The following SLC66A3 variants were observed in gnomAD, a reference collection of about 807,000 sequenced individuals.
SLC66A3 encodes the protein PQ loop repeat containing 3.
SLC66A3 carries 23 observed loss-of-function variants against 25.5 expected under a neutral mutation model. The observed-to-expected ratio is 0.90, with a 90% confidence interval of 0.65 to 1.28. The LOEUF is 1.28. Among genes scored for constraint, SLC66A3 ranks in the 50% most tolerant of loss-of-function variants. The pLI is 0.00. For synonymous variants in SLC66A3, 108 were observed against 112.6 expected, an observed-to-expected ratio of 0.96 and a Z score of 0.26; for missense variants, 246 against 262.1, an observed-to-expected ratio of 0.94 and a Z score of 0.42.
At position 11,160,660 on chromosome 2, in the gene SLC66A3, G is replaced by A. The variant is rs747334364; in HGVS notation, c.262G>A (p.Gly88Arg). The change falls in exon 3 of 7, where the codon GGG becomes AGG. Residue 88 changes from glycine (G) to arginine (R), a missense_variant. This residue lies in a region of SLC66A3 where 142 missense variants were observed against 130.3 expected (regional missense o/e 1.09). Coordinates refer to ENST00000295083, the MANE Select transcript of SLC66A3 (RefSeq NM_152391.5). ...ILLLCIFHFN[G>R]NVKQATPYIA... is the part of the protein sequence containing the mutation. Reference sequence around the variant, plus strand: ...CCTGCTCTGTATCTTTCATTTTAACGGGAACGTGAAGCAGGCCACTCCTTA... The same window carrying A: ...CCTGCTCTGTATCTTTCATTTTAACAGGAACGTGAAGCAGGCCACTCCTTA... The A allele has an allele frequency of 6.8e-6, 11 of 1,613,956 alleles. No homozygotes were observed. Among genetic ancestry groups the A allele is most frequent in the South Asian group, 2.2e-5 (2 of 91,088 alleles).
chr2:11,176,779 C>T (rs12986794), intron 6 of SLC66A3, among the ~76,000 whole-genome samples: 10,839 of 151,282 alleles, frequency 0.072, 518 homozygotes, highest in Non-Finnish European at 0.1. Flanking sequence ...CCGCCCGCCT[C>T]GGCCTCCCAA....
At position 11,178,672 on chromosome 2, in the gene SLC66A3, A is replaced by G. The variant is rs1662857233; in HGVS notation, c.*844A>G. ...TCCAGTTCTTAGGGACTTTTTTCACATTATAGCATTTTTACCCTAAACATG... is the reference window on the plus strand; with the variant it reads ...TCCAGTTCTTAGGGACTTTTTTCACGTTATAGCATTTTTACCCTAAACATG... On this transcript the variant is annotated 3_prime_UTR_variant, in exon 7 of 7. Transcript: ENST00000295083. 1 of 152,320 alleles carries G rather than the reference A, an allele frequency of 6.6e-6. No homozygotes were observed. The highest frequency in any genetic ancestry group is 1.5e-5 in the Non-Finnish European group (1 of 68,018). The allele number at this position is 152,320 out of a possible 1,614,324, so 9.4% of individuals were successfully genotyped here.
chr2:11,168,094 C>T (rs1018145880), intron 4 of SLC66A3, among the ~76,000 whole-genome samples: 1 of 152,108 alleles, frequency 6.6e-6, no homozygotes, highest in Non-Finnish European at 1.5e-5. Flanking sequence ...TCCTGGCTAA[C>T]ACGGTGAAAC....
At chr2:11,168,648 C>A (rs1662438580) in intron 4 of SLC66A3, among the ~76,000 whole-genome samples, 2 of 152,216 alleles carry the variant, frequency 1.3e-5, no homozygotes, top group East Asian at 3.9e-4. Context: ...TGCGAGCCCT[C>A]CCCTGCAGTC....
At chr2:11,177,589 A>G in intron 6 of SLC66A3, 148 bp from the exon 7 acceptor site, 1 of 567,392 alleles carries the variant, frequency 1.8e-6, no homozygotes, top group South Asian at 2.4e-5. Flanking sequence ...CATGATAGGG[A>G]GATCATTTCC....
chr2:11,176,931 GTA>G (rs1331987381), intron 6 of SLC66A3, among the ~76,000 whole-genome samples: 2 of 152,130 alleles, frequency 1.3e-5, no homozygotes, highest in Non-Finnish European at 2.9e-5. Flanking sequence ...GAGTGTATCC[GTA>G]CCTTAAAGTA....
At chr2:11,168,826 A>C (rs1477068666) in intron 4 of SLC66A3, among the ~76,000 whole-genome samples, 1 of 151,898 alleles carries the variant, frequency 6.6e-6, no homozygotes, top group Non-Finnish European at 1.5e-5. Flanking sequence ...CCTCTGCCCA[A>C]GAGCACTCCC....
chr2:11,164,195 C>T lies in SLC66A3; in HGVS notation c.297-9C>T. ...TGACCCACTGCTGTGTCCCTTAGCA[C>T]TTGGTAAGATTGGTGTCTTCTTGGT... On this transcript the variant is annotated splice_polypyrimidine_tract_variant and intron_variant, in intron 3 of 6. Transcript: ENST00000295083. The T allele has an allele frequency of 6.4e-7, 1 of 1,570,628 alleles. No homozygotes were observed. The highest frequency in any genetic ancestry group is 1.7e-4 in the Middle Eastern group (1 of 5,988).
At chr2:11,159,384 A>AGCT (rs1662031540) in intron 1 of SLC66A3, among the ~76,000 whole-genome samples, 1 of 152,140 alleles carries the variant, frequency 6.6e-6, no homozygotes, top group Non-Finnish European at 1.5e-5. Context: ...TCAGCTGCAC[A>AGCT]GCACCCGGAG....
chr2:11,177,778 G>GT lies in SLC66A3; in HGVS notation c.560dup (p.Thr188AsnfsTer15). 6.2e-7 allele frequency: 1 copy of GT among 1,611,562 alleles called. No individual in the cohort carries two copies. The highest frequency in any genetic ancestry group is 8.5e-7 in the Non-Finnish European group (1 of 1,178,604). ...GATCATGCTGGCTTTAAATATATGG[G>GT]TAACAGTGACAGTACTTCGCTACCG... On this transcript the variant is annotated frameshift_variant, in exon 7 of 7. Transcript: ENST00000295083. LOFTEE classifies it high-confidence loss of function.
At position 11,155,506 on chromosome 2, in the gene SLC66A3, C is replaced by T. The variant is rs548620891; in HGVS notation, c.-41C>T. 158 of 1,472,096 alleles carry T rather than the reference C, an allele frequency of 1.1e-4. No individual in the cohort carries two copies. The African/African-American group carries it at 1.5e-3, about 14-fold the overall frequency. The allele number at this position is 1,472,096 out of a possible 1,614,324, so 91.2% of individuals were successfully genotyped here. ...CTGCGCCGCCGAGGCTGAGCGGTCC[C>T]TTCTCGCTGCGGCCGCCCAGGTGCC... On this transcript the variant is annotated 5_prime_UTR_variant, in exon 1 of 7. Coordinates refer to ENST00000295083, the MANE Select transcript of SLC66A3 (RefSeq NM_152391.5).
chr2:11,170,978 T>C (rs1280718923), intron 4 of SLC66A3, among the ~76,000 whole-genome samples: 5 of 152,136 alleles, frequency 3.3e-5, no homozygotes, highest in Non-Finnish European at 7.3e-5. Flanking sequence ...TCAAACTAGC[T>C]CTGGCCATTA....
chr2:11,169,390 G>A (rs938483362), intron 4 of SLC66A3, among the ~76,000 whole-genome samples: 5 of 152,178 alleles, frequency 3.3e-5, no homozygotes, highest in Middle Eastern at 3.2e-3. Flanking sequence ...GGAGACAGAA[G>A]GTAAACAAGC....
rs1297568624 is a variant in SLC66A3 at position 11,173,182 on chromosome 2, TCTCA to T, written c.475+1140_475+1143del. 3.3e-5 allele frequency among the ~76,000 whole-genome samples: 5 copies of T among 152,228 alleles called. No homozygotes were observed. In the East Asian group the frequency reaches 5.8e-4, roughly 18 times the overall value. On this transcript the variant is annotated intron_variant, in intron 5 of 6. Coordinates refer to ENST00000295083, the MANE Select transcript of SLC66A3 (RefSeq NM_152391.5). ...CCAGCCAATTTTTTGTAGAGAGGGGTCTCACTATGTTGCCAAGGCTGGTCTCAAA... is the reference window on the plus strand; with the variant it reads ...CCAGCCAATTTTTTGTAGAGAGGGGTCTATGTTGCCAAGGCTGGTCTCAAA...
chr2:11,177,701 AAG>A, intron 6 of SLC66A3, 34 bp from the exon 7 acceptor site: 1 of 1,406,696 alleles, frequency 7.1e-7, no homozygotes, highest in Non-Finnish European at 1.0e-6. Flanking sequence ...CTGTATTGTA[AAG>A]ACAGTTTTTA....
chr2:11,158,749 G>A (rs1190022439), intron 1 of SLC66A3, among the ~76,000 whole-genome samples: 4 of 152,144 alleles, frequency 2.6e-5, no homozygotes, highest in African/African-American at 9.7e-5. Context: ...GAACCCGGGA[G>A]GTGGAGGTTG....
intron 3 of SLC66A3, among the ~76,000 whole-genome samples, chr2:11,163,517 AGT>A (rs1421117091): frequency 6.6e-6 from 1 of 152,246 alleles, no homozygotes; most frequent in Admixed American, 6.5e-5. Context: ...TAATAACAGC[AGT>A]CTCTTGAGTC....
At position 11,176,695 on chromosome 2, in the gene SLC66A3, A is replaced by T. The variant is rs866084177; in HGVS notation, c.518-1042A>T. ...AGGCGCCCGCCACTACGCCCGGCTA[A>T]TTTTTTGTATTTTTAGTAGAGACGG... On this transcript the variant is annotated intron_variant, in intron 6 of 6. Coordinates refer to ENST00000295083, the MANE Select transcript of SLC66A3 (RefSeq NM_152391.5). 1.2e-4 allele frequency among the ~76,000 whole-genome samples: 18 copies of T among 145,692 alleles called. No individual in the cohort carries two copies. In the South Asian group the frequency reaches 3.8e-3, roughly 30 times the overall value.
rs375146890 is a variant in SLC66A3, at chr2:11,158,324, CCTTGCCAACATGGTGAAACCCCAT to C, written c.144-2139_144-2116del. Among the ~76,000 whole-genome samples, 1,061 of 152,272 alleles carry C rather than the reference CCTTGCCAACATGGTGAAACCCCAT, an allele frequency of 7.0e-3. 13 individuals carry two copies. Among genetic ancestry groups the C allele is most frequent in the African/African-American group, 0.024 (1,004 of 41,536 alleles). On this transcript the variant is annotated intron_variant, in intron 1 of 6. Transcript: ENST00000295083. The stretch of plus-strand genomic sequence containing the variant: ...CCTGAGGTCAGGAGTTCAAGACCAG[CCTTGCCAACATGGTGAAACCCCAT>C]CTCTACTAAAAACACAAAAATTAAC...
Sources: allele counts gnomAD v4.1 joint callset (sites outside exome capture counted in the v4.1 genomes callset), GRCh38; gene constraint gnomAD v4.1.1; regional missense constraint gnomAD v4.1.1; transcripts MANE v1.5; gene names NCBI Gene and HGNC (gene_info 2026-07-23, HGNC 2026-07-21).